GALNT13: variants seen among roughly 807,000 people sequenced by gnomAD.
GALNT13 encodes UDP-GalNAc:polypeptide N-acetylgalactosaminyltransferase 13.
A neutral mutation model predicts 64.2 loss-of-function variants in GALNT13; 28 were observed. The observed-to-expected ratio is 0.44, with a 90% CI of 0.32 to 0.60. GALNT13 has a LOEUF of 0.60. GALNT13 is among the 20% of genes least tolerant of loss of function. GALNT13 has a pLI of 0.05. For synonymous variants in GALNT13, 214 were observed against 224.6 expected (o/e 0.95, Z 0.42); for missense variants, 577 against 669.8 (o/e 0.86, Z 1.53).
At chr2:154,039,845 C>T (rs1698877868) in intron 3 of GALNT13, among the ~76,000 whole-genome samples, 3 of 140,132 alleles carry the variant, frequency 2.1e-5, no homozygotes, top group South Asian at 2.3e-4. Flanking sequence ...GGTCATTACA[C>T]ATTGTATACA....
At chr2:153,440,051 C>T in the GALNT13 span, among the ~76,000 whole-genome samples, 1 of 152,152 alleles carries the variant, frequency 6.6e-6, no homozygotes. Context: ...TTGCTGCACC[C>T]ATCAACCCGT....
intron 2 of GALNT13, among the ~76,000 whole-genome samples, chr2:153,906,881 A>G (rs202049139): frequency 0.07 from 10,589 of 150,430 alleles, 382 homozygotes; most frequent in Middle Eastern, 0.13. Flanking sequence ...AAGTGTTCCT[A>G]TTTCTCCACA....
chr2:154,429,527 G>A (rs961567367), intron 11 of GALNT13, among the ~76,000 whole-genome samples: 1 of 152,196 alleles, frequency 6.6e-6, no homozygotes, highest in African/African-American at 2.4e-5. Flanking sequence ...AGCAGAAGTT[G>A]ATTTATGAGT....
the GALNT13 span, among the ~76,000 whole-genome samples, chr2:153,482,195 A>C: frequency 6.6e-6 from 1 of 152,070 alleles, no homozygotes; most frequent in East Asian, 1.9e-4. Context: ...TTCTTTGTCT[A>C]TTTTTCTTAA....
chr2:154,029,966 A>G (rs1698236417), intron 3 of GALNT13, among the ~76,000 whole-genome samples: 1 of 152,166 alleles, frequency 6.6e-6, no homozygotes, highest in Non-Finnish European at 1.5e-5. Flanking sequence ...GGACAGAATT[A>G]TTATACTTGA....
At chr2:153,324,614 G>A in the GALNT13 span, among the ~76,000 whole-genome samples, 3 of 152,144 alleles carry the variant, frequency 2.0e-5, no homozygotes, top group Non-Finnish European at 4.4e-5. Context: ...TATTGGCTGT[G>A]GGTTTGTCAT....
At chr2:153,524,739 A>G in the GALNT13 span, among the ~76,000 whole-genome samples, 43 of 152,288 alleles carry the variant, frequency 2.8e-4, no homozygotes, top group Middle Eastern at 3.4e-3. Flanking sequence ...CAGCAGTTGA[A>G]ACTTGAGTTC....
intron 9 of GALNT13, among the ~76,000 whole-genome samples, chr2:154,306,611 A>G: frequency 4.1e-5 from 1 of 24,562 alleles, no homozygotes; most frequent in African/African-American, 8.3e-5. Context: ...TTTTAAGGAT[A>G]ATTTGGTGGG....
chr2:154,106,793 A>G (rs1342751377), intron 3 of GALNT13, among the ~76,000 whole-genome samples: 2 of 152,080 alleles, frequency 1.3e-5, no homozygotes, highest in African/African-American at 4.8e-5. Context: ...ATGTGATGTT[A>G]TGCTTCATAA....
chr2:153,725,090 A>G, the GALNT13 span, among the ~76,000 whole-genome samples: 1 of 149,376 alleles, frequency 6.7e-6, no homozygotes, highest in Non-Finnish European at 1.5e-5. Flanking sequence ...GATTAAGAAA[A>G]TGTGGCACAT....
chr2:153,892,101 C>G (rs1374148566), intron 1 of GALNT13, among the ~76,000 whole-genome samples: 3 of 152,012 alleles, frequency 2.0e-5, no homozygotes, highest in East Asian at 1.9e-4. Flanking sequence ...CTGTTGCTAA[C>G]TTTCAACCTG....
the GALNT13 span, among the ~76,000 whole-genome samples, chr2:153,576,331 TA>T: frequency 7.9e-5 from 12 of 152,262 alleles, no homozygotes; most frequent in African/African-American, 2.6e-4. Context: ...AGGACTCACC[TA>T]AGAGCTACAG....
the GALNT13 span, among the ~76,000 whole-genome samples, chr2:153,721,715 A>G: frequency 6.6e-4 from 100 of 152,156 alleles, no homozygotes; most frequent in Non-Finnish European, 1.1e-3. Flanking sequence ...AGACAAGGCC[A>G]TTACATAATG....
At chr2:153,084,376 A>C in the GALNT13 span, among the ~76,000 whole-genome samples, 3 of 152,176 alleles carry the variant, frequency 2.0e-5, no homozygotes. Context: ...TGAGTATGGA[A>C]TGTGTTTCCA....
At chr2:153,807,732 CTG>C in the GALNT13 span, among the ~76,000 whole-genome samples, 1 of 151,832 alleles carries the variant, frequency 6.6e-6, no homozygotes. Context: ...TATTTTAATT[CTG>C]TGTTTGATAA....
At chr2:153,319,480 C>A in the GALNT13 span, among the ~76,000 whole-genome samples, 3 of 152,074 alleles carry the variant, frequency 2.0e-5, no homozygotes, top group African/African-American at 7.2e-5. Flanking sequence ...GGTCTTGCCA[C>A]TTTCCCCAGA....
At chr2:153,753,043 A>T in the GALNT13 span, among the ~76,000 whole-genome samples, 2 of 152,090 alleles carry the variant, frequency 1.3e-5, no homozygotes, top group Non-Finnish European at 2.9e-5. Flanking sequence ...ACTCTAATGC[A>T]TTCTTCAGTA....
the GALNT13 span, among the ~76,000 whole-genome samples, chr2:153,348,081 G>T: frequency 6.6e-6 from 1 of 152,060 alleles, no homozygotes; most frequent in Non-Finnish European, 1.5e-5. Context: ...TTTGGAGAGG[G>T]GGGTGTCCTC....
At chr2:154,310,839 G>A (rs989385813) in intron 9 of GALNT13, among the ~76,000 whole-genome samples, 5 of 151,736 alleles carry the variant, frequency 3.3e-5, no homozygotes, top group African/African-American at 4.8e-5. Flanking sequence ...ATAAAAATAC[G>A]GCCTTCCACA....
Sources: allele counts gnomAD v4.1 joint callset (sites outside exome capture counted in the v4.1 genomes callset), GRCh38; gene constraint gnomAD v4.1.1; transcripts MANE v1.5; gene names NCBI Gene and HGNC (gene_info 2026-07-23, HGNC 2026-07-21).